Variants in RTF2 observed in about 807,000 individuals in gnomAD.
RTF2 encodes the protein UPF0549 protein C20orf43.
RTF2 carries 18 observed loss-of-function variants against 38.0 expected under a neutral mutation model. That is an observed-to-expected ratio of 0.47 (90% CI 0.33 to 0.70). RTF2 has a LOEUF of 0.70. RTF2 is among the 30% of genes least tolerant of loss of function. RTF2 has a pLI of 0.02. For missense variants in RTF2, 311 were observed against 379.6 expected, an observed-to-expected ratio of 0.82 and a Z score of 1.50; for synonymous variants, 126 against 137.1, an observed-to-expected ratio of 0.92 and a Z score of 0.57.
chr20:56,508,105 G>A lies in RTF2; in HGVS notation c.478-5210G>A, dbSNP rs370738064. ...CCCTCAGGGATTTGTGGGTCAAAAA[G>A]GTATCTTCAGTCACGAAAATTTACC... On this transcript the variant is annotated intron_variant, in intron 5 of 8. Coordinates refer to ENST00000357348, the MANE Select transcript of RTF2 (RefSeq NM_016407.5). Among the ~76,000 whole-genome samples, 93 of 152,236 alleles carry A rather than the reference G, an allele frequency of 6.1e-4. 1 individual carries two copies. Among genetic ancestry groups the A allele is most frequent in the South Asian group, 3.7e-3 (18 of 4,822 alleles).
chr20:56,498,549 A>G (rs372098836), intron 5 of RTF2, among the ~76,000 whole-genome samples: 4 of 152,220 alleles, frequency 2.6e-5, no homozygotes, highest in South Asian at 2.1e-4. Context: ...TAGATTAAAA[A>G]CAAGGTATCT....
intron 5 of RTF2, among the ~76,000 whole-genome samples, chr20:56,502,924 T>C (rs559165239): frequency 1.6e-4 from 24 of 152,264 alleles, no homozygotes; most frequent in Admixed American, 1.6e-3. Context: ...AGCTCCTGAG[T>C]GTCCATTTTC....
At chr20:56,470,104 ATAAG>A (rs1261688891) in intron 1 of RTF2, among the ~76,000 whole-genome samples, 3 of 152,192 alleles carry the variant, frequency 2.0e-5, no homozygotes, top group South Asian at 4.1e-4. Context: ...TAGACACCTA[ATAAG>A]TATGTGTGAA....
chr20:56,514,200 C>T (rs984995147), intron 6 of RTF2: 1 of 152,134 alleles, frequency 6.6e-6, no homozygotes, highest in Non-Finnish European at 1.5e-5. Flanking sequence ...TGCTGAGTAA[C>T]GTGGCGGAGT....
Position 56,473,290 on chromosome 20 carries a change from T to G in RTF2, c.70-11T>G. On this transcript the variant is annotated splice_polypyrimidine_tract_variant and intron_variant, in intron 1 of 8. Coordinates refer to ENST00000357348, the MANE Select transcript of RTF2 (RefSeq NM_016407.5). ...AGTTGAAAATTAATTGAATTTTTTG[T>G]TTTTTATTAGGTCGACAAAGATGCT... 2 of 1,605,496 alleles carry G rather than the reference T, an allele frequency of 1.2e-6. No individual in the cohort carries two copies. Among genetic ancestry groups the G allele is most frequent in the Non-Finnish European group, 1.7e-6 (2 of 1,172,998 alleles).
chr20:56,486,660 T>A (rs1051282218), intron 5 of RTF2, among the ~76,000 whole-genome samples: 2 of 151,868 alleles, frequency 1.3e-5, no homozygotes, highest in East Asian at 1.9e-4. Flanking sequence ...AAAAAATAAA[T>A]AAATAAATAA....
chr20:56,515,319 C>T (rs1984954530), intron 6 of RTF2, among the ~76,000 whole-genome samples: 1 of 152,124 alleles, frequency 6.6e-6, no homozygotes, highest in Admixed American at 6.6e-5. Flanking sequence ...CACCTTTCAT[C>T]CCAGCACTTT....
In RTF2 at chr20:56,517,950, A is replaced by T. The variant is rs543466062; in HGVS notation, c.743-137A>T. 60 of 779,484 alleles carry T rather than the reference A, an allele frequency of 7.7e-5. No individual in the cohort carries two copies. The African/African-American group carries it at 9.7e-4, about 13-fold the overall frequency. 48.3% of individuals were successfully genotyped at this position (779,484 alleles called of 1,614,324 possible). On this transcript the variant is annotated intron_variant, in intron 8 of 8. Coordinates refer to ENST00000357348, the MANE Select transcript of RTF2 (RefSeq NM_016407.5). ...TGCTTTGCTGGAGTTGGCAATTAAG[A>T]TGACGTCCGCCAGCACTCACACAGC... is the stretch of plus-strand genomic sequence containing the variant.
At chr20:56,468,917 T>C (rs1166749205) in intron 1 of RTF2, 151 bp downstream of exon 1, 3 of 635,316 alleles carry the variant, frequency 4.7e-6, no homozygotes, top group South Asian at 1.9e-5. Context: ...TTAACAACAG[T>C]ATTAAGAGTG....
chr20:56,489,689 C>G (rs1034106750), intron 5 of RTF2, among the ~76,000 whole-genome samples: 12 of 152,336 alleles, frequency 7.9e-5, no homozygotes, highest in African/African-American at 2.9e-4. Flanking sequence ...TTACAGGGCC[C>G]CCTTCACGGT....
chr20:56,502,353 TGTG>T (rs1983977661), intron 5 of RTF2, among the ~76,000 whole-genome samples: 1 of 152,228 alleles, frequency 6.6e-6, no homozygotes, highest in African/African-American at 2.4e-5. Context: ...AGCCAGTGCC[TGTG>T]TTCTTTTTTT....
rs140934633 is a variant in RTF2, at chr20:56,514,903, C to T, written c.591+1475C>T. ...ACTGTTTAAAGAGTCACTTGGTAGGCGGGCGTGGTGGCGTGTGCCTGTAAT... is the reference window on the plus strand; with the variant it reads ...ACTGTTTAAAGAGTCACTTGGTAGGTGGGCGTGGTGGCGTGTGCCTGTAAT... On this transcript the variant is annotated intron_variant, in intron 6 of 8. Transcript: ENST00000357348. Among the ~76,000 whole-genome samples, 143 of 152,124 alleles carry T rather than the reference C, an allele frequency of 9.4e-4. 2 individuals are homozygous for T. In the East Asian group the frequency reaches 0.022, roughly 24 times the overall value.
In RTF2 at chr20:56,468,742, GA is replaced by G; in HGVS notation, c.47del (p.Lys16ArgfsTer15). On this transcript the variant is annotated frameshift_variant, in exon 1 of 9. Transcript: ENST00000357348. LOFTEE classifies it high-confidence loss of function. ...GTIPKRHELV[K>X]GPKKVEKVDK... is the part of the protein sequence containing the mutation. The stretch of plus-strand genomic sequence containing the variant: ...CAATCCCCAAGAGGCATGAACTGGT[GA>G]AGGGGCCGAAGAAGGTTGAGAAGGT... The G allele has an allele frequency of 6.3e-7, 1 of 1,588,926 alleles. No individual in the cohort carries two copies. The highest frequency in any genetic ancestry group is 1.1e-5 in the South Asian group (1 of 87,344).
At chr20:56,492,316 G>C (rs1195539892) in intron 5 of RTF2, among the ~76,000 whole-genome samples, 3 of 151,454 alleles carry the variant, frequency 2.0e-5, no homozygotes, top group Non-Finnish European at 4.4e-5. Context: ...GGGCTCAAGT[G>C]ATCTTCCCAC....
chr20:56,471,131 A>T (rs1223115416), intron 1 of RTF2, among the ~76,000 whole-genome samples: 9 of 152,204 alleles, frequency 5.9e-5, no homozygotes, highest in African/African-American at 1.9e-4. Flanking sequence ...ATCTGAGGCC[A>T]TATCCAAATA....
At chr20:56,482,533 G>T (rs1171449676) in intron 4 of RTF2, among the ~76,000 whole-genome samples, 1 of 152,212 alleles carries the variant, frequency 6.6e-6, no homozygotes, top group African/African-American at 2.4e-5. Flanking sequence ...AGTAAAGTTT[G>T]TATAATAAAG....
intron 5 of RTF2, among the ~76,000 whole-genome samples, chr20:56,492,050 C>T (rs1334898670): frequency 1.3e-5 from 2 of 152,124 alleles, no homozygotes; most frequent in African/African-American, 4.8e-5. Flanking sequence ...GGATTTAACT[C>T]ACCACGCGCA....
At chr20:56,507,760 A>ACCCCTG (rs936002433) in intron 5 of RTF2, among the ~76,000 whole-genome samples, 3 of 152,004 alleles carry the variant, frequency 2.0e-5, no homozygotes, top group Non-Finnish European at 4.4e-5. Flanking sequence ...GTTCCTCCCC[A>ACCCCTG]CCCCTGGGCC....
intron 5 of RTF2, among the ~76,000 whole-genome samples, chr20:56,494,496 A>G (rs1262822698): frequency 6.6e-6 from 1 of 152,188 alleles, no homozygotes; most frequent in Non-Finnish European, 1.5e-5. Context: ...CAAGTGTGTA[A>G]TGACAGGGAG....
Sources: gnomAD v4.1 joint callset for allele counts (sites outside exome capture counted in the v4.1 genomes callset) on GRCh38, gnomAD v4.1.1 for gene constraint, MANE v1.5 for transcripts, NCBI Gene and HGNC (gene_info 2026-07-23, HGNC 2026-07-21) for gene names.